Variants in NLGN4X observed in about 807,000 individuals in gnomAD.
The protein encoded by NLGN4X is neuroligin 4 X-linked.
Under a neutral mutation model 40.3 loss-of-function variants are expected in NLGN4X, and 3 were observed. That is an observed-to-expected ratio of 0.07 (90% CI 0.03 to 0.19). NLGN4X has a LOEUF of 0.19. NLGN4X is among the 10% of genes least tolerant of loss of function. The pLI is 1.00. For synonymous variants in NLGN4X, 270 were observed against 306.8 expected, an observed-to-expected ratio of 0.88 and a Z score of 1.25; for missense variants, 382 against 708.3, an observed-to-expected ratio of 0.54 and a Z score of 5.23.
intron 1 of NLGN4X, among the ~76,000 whole-genome samples, chrX:6,164,930 C>A (rs768821136): frequency 9.0e-6 from 1 of 111,459 alleles, no homozygotes; most frequent in Non-Finnish European, 1.9e-5. Flanking sequence ...AGGTGAGGGC[C>A]TTACAAGGTG....
chrX:5,942,325 C>G (rs986703201), intron 3 of NLGN4X, among the ~76,000 whole-genome samples: 2 of 111,050 alleles, frequency 1.8e-5, no homozygotes, highest in African/African-American at 6.6e-5. Context: ...CGAGCCACAT[C>G]AGGGAGGAGT....
chrX:6,000,162 G>C (rs891427361), intron 3 of NLGN4X, among the ~76,000 whole-genome samples: 4 of 112,344 alleles, frequency 3.6e-5, no homozygotes, highest in Non-Finnish European at 7.5e-5. Flanking sequence ...ACTGGCCACA[G>C]AAGATGCCTC....
At chrX:5,996,494 G>A (rs936193237) in intron 3 of NLGN4X, among the ~76,000 whole-genome samples, 10 of 112,072 alleles carry the variant, frequency 8.9e-5, no homozygotes, top group Non-Finnish European at 7.5e-5. Flanking sequence ...GCCCCTTGAA[G>A]CTCTGTCAGA....
chrX:5,913,180 A>AT (rs1267899276), intron 3 of NLGN4X, among the ~76,000 whole-genome samples: 1 of 111,358 alleles, frequency 9.0e-6, no homozygotes, highest in Non-Finnish European at 1.9e-5. Flanking sequence ...TAATGGTGTG[A>AT]TTTTTTGCAA....
At chrX:6,032,635 G>A in intron 2 of NLGN4X, 1 of 772,335 alleles carries the variant, frequency 1.3e-6, no homozygotes, top group Non-Finnish European at 1.9e-6. Flanking sequence ...AAAAAAGAGA[G>A]ATAGATAGAT....
intron 2 of NLGN4X, among the ~76,000 whole-genome samples, chrX:6,121,868 T>C (rs765016067): frequency 1.6e-4 from 18 of 112,811 alleles, no homozygotes; most frequent in Non-Finnish European, 2.8e-4. Flanking sequence ...CGCTCCTCAC[T>C]GTCTGGGCGG....
chrX:5,939,323 T>G (rs75031397), intron 3 of NLGN4X, among the ~76,000 whole-genome samples: 1 of 110,170 alleles, frequency 9.1e-6, no homozygotes, highest in African/African-American at 3.3e-5. Context: ...AGTGGAAAAA[T>G]AGAGAGATGG....
At chrX:5,950,231 C>T (rs1489409632) in intron 3 of NLGN4X, among the ~76,000 whole-genome samples, 1 of 111,846 alleles carries the variant, frequency 8.9e-6, no homozygotes, top group African/African-American at 3.2e-5. Context: ...CTATTGAGCA[C>T]ATAAAATGTG....
At chrX:6,036,608 G>A (rs866954415) in intron 2 of NLGN4X, among the ~76,000 whole-genome samples, 1 of 75,640 alleles carries the variant, frequency 1.3e-5, no homozygotes, top group East Asian at 5.1e-4. Flanking sequence ...CTTGTGGCTG[G>A]CGCACACACA....
chrX:6,008,660 C>G (rs899403774), intron 3 of NLGN4X, among the ~76,000 whole-genome samples: 5 of 111,635 alleles, frequency 4.5e-5, no homozygotes, highest in Non-Finnish European at 7.5e-5. Flanking sequence ...ATCACAGATA[C>G]CATAATGTTT....
intron 1 of NLGN4X, among the ~76,000 whole-genome samples, chrX:6,220,840 C>T (rs771598426): frequency 2.0e-5 from 2 of 100,005 alleles, no homozygotes; most frequent in South Asian, 9.6e-4. Context: ...CAGGTTCAAG[C>T]AATTCTCCGG....
chrX:6,219,470 CCTCCTTCT>C (rs1399073714), intron 1 of NLGN4X, among the ~76,000 whole-genome samples: 1 of 102,026 alleles, frequency 9.8e-6, no homozygotes, highest in East Asian at 3.1e-4. Context: ...TCCCTCCTTC[CCTCCTTCT>C]CTCCTTCCCT....
chrX:6,141,859 T>C (rs1322373299), intron 2 of NLGN4X, among the ~76,000 whole-genome samples: 1 of 111,115 alleles, frequency 9.0e-6, no homozygotes, highest in Non-Finnish European at 1.9e-5. Context: ...TAATAAAAAT[T>C]AATAGCTTGG....
chrX:6,138,497 A>T (rs765959524), intron 2 of NLGN4X, among the ~76,000 whole-genome samples: 1 of 112,032 alleles, frequency 8.9e-6, no homozygotes, highest in South Asian at 3.7e-4. Context: ...AAACGTCTTT[A>T]TCGGTCAGGT....
chrX:5,921,647 T>C (rs1441114218), intron 3 of NLGN4X, among the ~76,000 whole-genome samples: 3 of 111,449 alleles, frequency 2.7e-5, no homozygotes, highest in Admixed American at 9.6e-5. Flanking sequence ...CCTTGAGTTG[T>C]CTGTAAAAAT....
intron 3 of NLGN4X, among the ~76,000 whole-genome samples, chrX:6,028,410 C>T (rs938475132): frequency 9.9e-5 from 11 of 110,685 alleles, no homozygotes; most frequent in Non-Finnish European, 1.7e-4. Context: ...CCTGTAATCC[C>T]AGCACTTTGG....
Position 6,105,175 on chromosome X carries a change from C to G in NLGN4X, c.472+45820G>C, listed in dbSNP as rs1031694452. ...TTTCAGGGTCAAGCCATTCTCCTGC[C>G]TCAGCCTCCTGAGTAGCTGGGATTA... is the stretch of plus-strand genomic sequence containing the variant. On this transcript the variant is annotated intron_variant, in intron 2 of 5. Transcript: ENST00000381095. Among the ~76,000 whole-genome samples the G allele has an allele frequency of 3.6e-5, 4 of 110,481 alleles. No individual in the cohort carries two copies. In the Admixed American group the frequency reaches 3.9e-4, roughly 11 times the overall value.
At chrX:6,135,442 A>G (rs2039792355) in intron 2 of NLGN4X, among the ~76,000 whole-genome samples, 2 of 111,853 alleles carry the variant, frequency 1.8e-5, no homozygotes, top group Non-Finnish European at 3.8e-5. Flanking sequence ...TGAAGCAGCC[A>G]TGCCATTCTT....
At chrX:5,925,824 CCATATA>C (rs201958719) in intron 3 of NLGN4X, among the ~76,000 whole-genome samples, 1 of 62,088 alleles carries the variant, frequency 1.6e-5, no homozygotes, top group African/African-American at 5.9e-5. Context: ...ATGAATCCCA[CCATATA>C]TATATATATA....
Sources: gnomAD v4.1 joint callset for allele counts (sites outside exome capture counted in the v4.1 genomes callset) on GRCh38, gnomAD v4.1.1 for gene constraint, MANE v1.5 for transcripts, NCBI Gene and HGNC (gene_info 2026-07-23, HGNC 2026-07-21) for gene names.